Variants in ABLIM1 observed in about 807,000 individuals in gnomAD.
ABLIM1 encodes actin-binding LIM protein 1.
ABLIM1 carries 40 observed loss-of-function variants against 107.0 expected under a neutral mutation model. That is an observed-to-expected ratio of 0.37 (90% CI 0.29 to 0.49). ABLIM1 has a LOEUF of 0.49. Among genes scored for constraint, ABLIM1 ranks in the 20% least tolerant of loss-of-function variants. The pLI is 0.97. For synonymous variants in ABLIM1, 357 were observed against 357.3 expected (o/e 1.00, Z 0.01); for missense variants, 857 against 1,008.5 (o/e 0.85, Z 2.04).
At chr10:114,800,050 A>G in the ABLIM1 span, among the ~76,000 whole-genome samples, 1 of 152,244 alleles carries the variant, frequency 6.6e-6, no homozygotes, top group Non-Finnish European at 1.5e-5. Flanking sequence ...TGCTGAGATT[A>G]CAGGTGTGAG....
intron 1 of ABLIM1, among the ~76,000 whole-genome samples, chr10:114,677,264 A>C (rs899205426): frequency 2.0e-4 from 30 of 152,218 alleles, no homozygotes; most frequent in African/African-American, 6.8e-4. Flanking sequence ...ATAATAGTGA[A>C]ATGAATGAAA....
intron 4 of ABLIM1, among the ~76,000 whole-genome samples, chr10:114,568,644 C>T (rs1273980582): frequency 6.6e-6 from 1 of 152,014 alleles, no homozygotes; most frequent in Non-Finnish European, 1.5e-5. Context: ...CCACACACAC[C>T]CCATAAATGC....
intron 1 of ABLIM1, among the ~76,000 whole-genome samples, chr10:114,717,812 C>T (rs1269250597): frequency 1.3e-5 from 2 of 151,224 alleles, no homozygotes; most frequent in Non-Finnish European, 2.9e-5. Context: ...ACTCAAGAGG[C>T]TGAGGCAGGA....
chr10:114,732,977 T>C (rs2082106672), intron 1 of ABLIM1, among the ~76,000 whole-genome samples: 1 of 152,234 alleles, frequency 6.6e-6, no homozygotes, highest in African/African-American at 2.4e-5. Context: ...TATATTATTA[T>C]GTCCATCTAG....
intron 12 of ABLIM1, among the ~76,000 whole-genome samples, chr10:114,454,883 C>A (rs549905656): frequency 6.6e-6 from 1 of 152,242 alleles, no homozygotes; most frequent in African/African-American, 2.4e-5. Flanking sequence ...TATGAACTTG[C>A]AAATATTTTC....
intron 1 of ABLIM1, among the ~76,000 whole-genome samples, chr10:114,649,400 AAAATAAAT>A (rs57772186): frequency 0.57 from 76,908 of 136,044 alleles, 22,693 homozygotes; most frequent in East Asian, 0.67. Context: ...AGACTCTGTC[AAAATAAAT>A]AAATAAATAA....
At chr10:114,559,029 T>C (rs1203286640) in intron 4 of ABLIM1, among the ~76,000 whole-genome samples, 1 of 151,912 alleles carries the variant, frequency 6.6e-6, no homozygotes. Flanking sequence ...AACTTCAAAA[T>C]GACCAGGTAA....
chr10:114,718,964 T>C (rs2081772322), intron 1 of ABLIM1, among the ~76,000 whole-genome samples: 1 of 152,208 alleles, frequency 6.6e-6, no homozygotes, highest in African/African-American at 2.4e-5. Flanking sequence ...GTGGGGCCTA[T>C]AGTCAGAGGA....
intron 1 of ABLIM1, among the ~76,000 whole-genome samples, chr10:114,664,809 G>A (rs2141296017): frequency 6.6e-6 from 1 of 151,236 alleles, no homozygotes; most frequent in Non-Finnish European, 1.5e-5. Context: ...CTCCCAAAGT[G>A]TTGGGATTAC....
chr10:114,473,319 A>T lies in ABLIM1; in HGVS notation c.1120-187T>A, dbSNP rs58812048. Among the ~76,000 whole-genome samples, 98 of 152,186 alleles carry T rather than the reference A, an allele frequency of 6.4e-4. 1 individual carries two copies. Among genetic ancestry groups the T allele is most frequent in the Non-Finnish European group, 1.3e-3 (86 of 68,038 alleles). On this transcript the variant is annotated intron_variant, in intron 9 of 22. Coordinates refer to ENST00000533213, the MANE Select transcript of ABLIM1 (RefSeq NM_002313.7). ...TACCATATATTAATCATGTTTTTTT[A>T]AAAAAGTCACTGAACGCTTAGGAAA...
chr10:114,742,311 A>G (rs2082303928), intron 1 of ABLIM1, among the ~76,000 whole-genome samples: 1 of 152,238 alleles, frequency 6.6e-6, no homozygotes, highest in Non-Finnish European at 1.5e-5. Flanking sequence ...TTATAAAAGC[A>G]GTTAGCTAAC....
chr10:114,617,697 T>C (rs1004597573), intron 1 of ABLIM1, among the ~76,000 whole-genome samples: 2 of 152,356 alleles, frequency 1.3e-5, no homozygotes, highest in East Asian at 1.9e-4. Flanking sequence ...TTAACATTTA[T>C]TGAGCACATG....
the ABLIM1 span, among the ~76,000 whole-genome samples, chr10:114,787,067 C>T: frequency 6.6e-6 from 1 of 151,694 alleles, no homozygotes; most frequent in East Asian, 1.9e-4. Flanking sequence ...TCTTCCCTGC[C>T]GCCATCCCAT....
At chr10:114,699,678 C>G (rs974491924) in intron 1 of ABLIM1, among the ~76,000 whole-genome samples, 3 of 152,038 alleles carry the variant, frequency 2.0e-5, no homozygotes, top group African/African-American at 7.2e-5. Context: ...ACTAATAAAA[C>G]TCTGGAAGTG....
At chr10:114,639,029 G>C (rs1213415035) in intron 1 of ABLIM1, among the ~76,000 whole-genome samples, 1 of 152,056 alleles carries the variant, frequency 6.6e-6, no homozygotes, top group Non-Finnish European at 1.5e-5. Context: ...TTTTTTGCAA[G>C]GTTTACAAAG....
intron 1 of ABLIM1, among the ~76,000 whole-genome samples, chr10:114,603,293 C>G (rs968748466): frequency 7.9e-5 from 12 of 152,092 alleles, no homozygotes; most frequent in African/African-American, 2.2e-4. Context: ...TTTTGCCTGG[C>G]AAGAGTTTGA....
chr10:114,473,644 G>A (rs557814062), intron 9 of ABLIM1, among the ~76,000 whole-genome samples: 2 of 151,536 alleles, frequency 1.3e-5, no homozygotes, highest in African/African-American at 2.4e-5. Flanking sequence ...TTTAAGTCCC[G>A]CAACATATTA....
At chr10:114,615,514 A>C (rs760374697) in intron 1 of ABLIM1, 1 of 456,400 alleles carries the variant, frequency 2.2e-6, no homozygotes, top group Non-Finnish European at 4.4e-6. Context: ...TAAACATTCT[A>C]TTTCTTTTTT....
the ABLIM1 span, among the ~76,000 whole-genome samples, chr10:114,786,760 G>A: frequency 2.0e-5 from 3 of 152,228 alleles, no homozygotes; most frequent in East Asian, 1.9e-4. Context: ...GCCTCCCGAG[G>A]TGCCGGGATT....
Sources: gnomAD v4.1 joint callset for allele counts (sites outside exome capture counted in the v4.1 genomes callset) on GRCh38, gnomAD v4.1.1 for gene constraint, MANE v1.5 for transcripts, NCBI Gene and HGNC (gene_info 2026-07-23, HGNC 2026-07-21) for gene names.